The following STK4 variants were observed in gnomAD, a reference collection of about 807,000 sequenced individuals.
The protein encoded by STK4 is serine/threonine-protein kinase 4.
A neutral mutation model predicts 64.9 loss-of-function variants in STK4; 30 were observed. The ratio of observed to expected loss-of-function variants is 0.46; its 90% CI spans 0.35 to 0.63. STK4 has a LOEUF of 0.63. STK4 is among the 20% of genes least tolerant of loss of function. STK4 has a pLI of 0.01. For missense variants in STK4, 466 were observed against 598.5 expected, an observed-to-expected ratio of 0.78 and a Z score of 2.31; for synonymous variants, 177 against 199.0, an observed-to-expected ratio of 0.89 and a Z score of 0.93.
At chr20:44,978,303 A>T in intron 2 of STK4, 140 bp from the exon 3 acceptor site, 1 of 1,012,606 alleles carries the variant, frequency 9.9e-7, no homozygotes, top group Non-Finnish European at 1.4e-6. Context: ...AAAGTATTTT[A>T]GCTATCTTAG....
At chr20:45,024,895 CTGGAGAT>C in intron 9 of STK4, 71 bp from the exon 10 acceptor site, 1 of 1,358,430 alleles carries the variant, frequency 7.4e-7, no homozygotes, top group Non-Finnish European at 9.6e-7. Context: ...TGTAGCCCAT[CTGGAGAT>C]ATGTCTATTT....
intron 10 of STK4, among the ~76,000 whole-genome samples, chr20:45,034,682 C>G: frequency 6.7e-6 from 1 of 149,340 alleles, no homozygotes; most frequent in East Asian, 1.9e-4. Context: ...GAGGTTAAGG[C>G]GGGAGGATCA....
intron 10 of STK4, among the ~76,000 whole-genome samples, chr20:45,028,398 C>T (rs2068390437): frequency 6.6e-6 from 1 of 151,350 alleles, no homozygotes; most frequent in African/African-American, 2.4e-5. Flanking sequence ...CCGATCATAG[C>T]TCACTACAGC....
At chr20:44,975,467 A>C in intron 2 of STK4, 2 of 636,242 alleles carry the variant, frequency 3.1e-6, no homozygotes, top group Non-Finnish European at 3.9e-6. Flanking sequence ...GAACTTTCTA[A>C]TATATAAGAA....
At chr20:45,024,189 C>T (rs892220718) in intron 9 of STK4, among the ~76,000 whole-genome samples, 12 of 151,884 alleles carry the variant, frequency 7.9e-5, no homozygotes, top group African/African-American at 1.2e-4. Context: ...CGTGAGCCAC[C>T]GCGCCTGACC....
At chr20:44,996,442 C>T (rs1366189055) in intron 6 of STK4, among the ~76,000 whole-genome samples, 1 of 152,184 alleles carries the variant, frequency 6.6e-6, no homozygotes, top group Non-Finnish European at 1.5e-5. Flanking sequence ...AAGACTTACA[C>T]AAATTCATGT....
intron 9 of STK4, among the ~76,000 whole-genome samples, chr20:45,018,101 A>G (rs1224191080): frequency 6.6e-6 from 1 of 152,238 alleles, no homozygotes; most frequent in African/African-American, 2.4e-5. Context: ...CCAAAACCAC[A>G]CACTCATAAC....
At chr20:44,994,443 A>G (rs1295733241) in intron 5 of STK4, among the ~76,000 whole-genome samples, 1 of 151,278 alleles carries the variant, frequency 6.6e-6, no homozygotes, top group African/African-American at 2.4e-5. Context: ...TTGCTTTGTA[A>G]TGTATGTTGT....
chr20:45,007,261 C>T (rs1442400016), intron 9 of STK4, among the ~76,000 whole-genome samples: 1 of 152,090 alleles, frequency 6.6e-6, no homozygotes, highest in Non-Finnish European at 1.5e-5. Context: ...ATTGAAAGCA[C>T]TTCAGAGTTG....
At chr20:44,996,727 A>G (rs970065126) in intron 6 of STK4, among the ~76,000 whole-genome samples, 8 of 152,036 alleles carry the variant, frequency 5.3e-5, no homozygotes, top group African/African-American at 1.9e-4. Context: ...CCCCATTGTG[A>G]TTTTTGGGAC....
At chr20:44,988,533 G>GTGTGTGTGTGTGTGTGTATA (rs1221720136) in intron 5 of STK4, among the ~76,000 whole-genome samples, 1 of 101,576 alleles carries the variant, frequency 9.8e-6, no homozygotes, top group African/African-American at 4.8e-5. Context: ...ATGTGTGTGT[G>GTGTGTGTGTGTGTGTGTATA]TATATATATA....
chr20:45,006,842 G>A (rs1437210595), intron 9 of STK4, among the ~76,000 whole-genome samples: 1 of 152,118 alleles, frequency 6.6e-6, no homozygotes, highest in Non-Finnish European at 1.5e-5. Context: ...TTTATGCTGG[G>A]AATTGAGTTC....
At chr20:45,053,255 C>T in intron 10 of STK4, 1 of 1,301,072 alleles carries the variant, frequency 7.7e-7, no homozygotes, top group Middle Eastern at 1.9e-4. Flanking sequence ...CTGATTTGAG[C>T]TGGGTTTTTA....
intron 9 of STK4, among the ~76,000 whole-genome samples, chr20:45,004,872 G>A (rs980016593): frequency 2.0e-5 from 3 of 150,922 alleles, no homozygotes; most frequent in Admixed American, 2.0e-4. Context: ...AGGTTCAAGC[G>A]ATTCTCCTGC....
At chr20:45,069,284 A>G (rs1182713100) in intron 10 of STK4, among the ~76,000 whole-genome samples, 1 of 152,238 alleles carries the variant, frequency 6.6e-6, no homozygotes, top group Non-Finnish European at 1.5e-5. Context: ...AAAGAGACTC[A>G]GAAATCCTTA....
intron 10 of STK4, among the ~76,000 whole-genome samples, chr20:45,039,636 G>A (rs2068581295): frequency 6.6e-6 from 1 of 152,104 alleles, no homozygotes; most frequent in African/African-American, 2.4e-5. Context: ...CAAGTGCTTT[G>A]CTTCAAAATG....
intron 10 of STK4, 104 bp downstream of exon 10, chr20:45,025,234 C>T: frequency 7.5e-7 from 1 of 1,330,658 alleles, no homozygotes; most frequent in South Asian, 1.6e-5. Context: ...GTCTCCTAAA[C>T]CATCCCTGAC....
intron 5 of STK4, among the ~76,000 whole-genome samples, chr20:44,992,487 C>T (rs547441819): frequency 6.6e-6 from 1 of 151,956 alleles, no homozygotes; most frequent in South Asian, 2.1e-4. Context: ...TCCGGAACTC[C>T]TGCCTCTGCC....
Position 45,075,437 on chromosome 20 carries a change from G to A in STK4, c.*261G>A. The A allele has an allele frequency of 3.0e-6, 1 of 330,698 alleles. No individual in the cohort carries two copies. Among genetic ancestry groups the A allele is most frequent in the Non-Finnish European group, 5.6e-6 (1 of 178,690 alleles). 20.5% of individuals were successfully genotyped at this position (330,698 alleles called of 1,614,324 possible). ...CTCAGAGTTTTAAACCCCAGGAACA[G>A]AGACTCCTAGTTGAGTGATAGCTGG... On this transcript the variant is annotated 3_prime_UTR_variant, in exon 11 of 11. Transcript: ENST00000372806.
Sources: gnomAD v4.1 joint callset for allele counts (sites outside exome capture counted in the v4.1 genomes callset) on GRCh38, gnomAD v4.1.1 for gene constraint, MANE v1.5 for transcripts, NCBI Gene and HGNC (gene_info 2026-07-23, HGNC 2026-07-21) for gene names.